Variants in ERBB4 observed in about 807,000 individuals in gnomAD.
ERBB4 encodes receptor tyrosine-protein kinase erbB-4.
A neutral mutation model predicts 158.0 loss-of-function variants in ERBB4; 42 were observed. That is an observed-to-expected ratio of 0.27 (90% CI 0.21 to 0.34). ERBB4 has a LOEUF of 0.34. Ranked by LOEUF, ERBB4 falls within the 10% of genes least tolerant of loss-of-function variation. ERBB4 has a pLI of 1.00. For missense variants in ERBB4, 1,333 were observed against 1,624.1 expected (o/e 0.82, Z 3.08); for synonymous variants, 583 against 558.7 (o/e 1.04, Z -0.61).
chr2:211,685,711 A>G (rs926175365), intron 12 of ERBB4, among the ~76,000 whole-genome samples: 2 of 152,170 alleles, frequency 1.3e-5, no homozygotes, highest in Non-Finnish European at 2.9e-5. Context: ...CAGTTTAGGG[A>G]GAATTGACAT....
At chr2:211,828,227 T>C (rs1460794232) in intron 3 of ERBB4, among the ~76,000 whole-genome samples, 1 of 152,194 alleles carries the variant, frequency 6.6e-6, no homozygotes, top group Non-Finnish European at 1.5e-5. Flanking sequence ...CTCAATATCA[T>C]ATTCATGGCA....
chr2:211,901,020 G>C (rs2079220455), intron 3 of ERBB4, among the ~76,000 whole-genome samples: 1 of 152,098 alleles, frequency 6.6e-6, no homozygotes, highest in African/African-American at 2.4e-5. Context: ...AGCTCAGCTT[G>C]ATTTTACAAA....
At chr2:211,433,755 A>G (rs1372000847) in intron 20 of ERBB4, among the ~76,000 whole-genome samples, 2 of 152,184 alleles carry the variant, frequency 1.3e-5, no homozygotes, top group Admixed American at 6.5e-5. Context: ...TTGGCAGTCC[A>G]TGGACTACAT....
intron 2 of ERBB4, among the ~76,000 whole-genome samples, chr2:211,965,683 T>C (rs1011959157): frequency 1.3e-5 from 2 of 152,102 alleles, no homozygotes; most frequent in African/African-American, 4.8e-5. Flanking sequence ...TAAAACAGAA[T>C]TTGAGATTCT....
In ERBB4 at chr2:211,424,135, A is replaced by C. The variant is rs754387903; in HGVS notation, c.2866+20T>G. ...TTTACTAAGAATGATGATGGTGATA[A>C]CATTATTTTGCAGTCTTACATTTGA... On this transcript the variant is annotated intron_variant, in intron 23 of 27. Transcript: ENST00000342788. The C allele has an allele frequency of 1.2e-6, 2 of 1,607,736 alleles. No homozygotes were observed. Among genetic ancestry groups the C allele is most frequent in the Non-Finnish European group, 1.7e-6 (2 of 1,174,362 alleles).
At chr2:212,005,115 C>T (rs142951996) in intron 2 of ERBB4, among the ~76,000 whole-genome samples, 6 of 152,192 alleles carry the variant, frequency 3.9e-5, no homozygotes, top group Non-Finnish European at 7.4e-5. Context: ...TAAACATACA[C>T]AATATACATC....
chr2:211,775,949 G>C (rs1198790198), intron 4 of ERBB4, among the ~76,000 whole-genome samples: 3 of 152,170 alleles, frequency 2.0e-5, no homozygotes, highest in Admixed American at 1.3e-4. Flanking sequence ...ACAGACCGGG[G>C]GCAAGAGATG....
chr2:211,529,627 C>T (rs965974205), intron 20 of ERBB4, among the ~76,000 whole-genome samples: 1 of 152,036 alleles, frequency 6.6e-6, no homozygotes, highest in Non-Finnish European at 1.5e-5. Context: ...AATTCAACAA[C>T]ATATTGGAAA....
intron 12 of ERBB4, among the ~76,000 whole-genome samples, chr2:211,679,595 A>C (rs1034602602): frequency 6.6e-6 from 1 of 152,326 alleles, no homozygotes; most frequent in African/African-American, 2.4e-5. Context: ...TCCTGAAACA[A>C]AAAAAGTATT....
chr2:211,411,980 T>C (rs1414061240), intron 25 of ERBB4, among the ~76,000 whole-genome samples: 1 of 152,022 alleles, frequency 6.6e-6, no homozygotes, highest in Non-Finnish European at 1.5e-5. Context: ...TAAAACTAAT[T>C]GGATCTCGAT....
intron 1 of ERBB4, among the ~76,000 whole-genome samples, chr2:212,390,467 A>G (rs2106435645): frequency 6.6e-6 from 1 of 151,932 alleles, no homozygotes; most frequent in African/African-American, 2.4e-5. Context: ...AGTCTTTCTC[A>G]GCTAACAATT....
Position 211,695,933 on chromosome 2 carries a change from T to C in ERBB4, c.1489+6034A>G, listed in dbSNP as rs2073002842. Among the ~76,000 whole-genome samples the C allele has an allele frequency of 2.6e-5, 4 of 151,616 alleles. No homozygotes were observed. The South Asian group carries it at 8.3e-4, about 31-fold the overall frequency. ...TAATACATGTATAGCTCGCTCTTGC[T>C]CTTTCTTTTCTTTCTTTTTATTTCT... On this transcript the variant is annotated intron_variant, in intron 12 of 27. Transcript: ENST00000342788.
chr2:211,963,214 G>A (rs1172914416), intron 2 of ERBB4, among the ~76,000 whole-genome samples: 1 of 152,016 alleles, frequency 6.6e-6, no homozygotes, highest in Non-Finnish European at 1.5e-5. Context: ...GAGGGGTGGA[G>A]GGTGATACTG....
intron 20 of ERBB4, among the ~76,000 whole-genome samples, chr2:211,512,666 A>T (rs1184117442): frequency 6.6e-6 from 1 of 152,102 alleles, no homozygotes; most frequent in Non-Finnish European, 1.5e-5. Flanking sequence ...TTTCATTTTC[A>T]TTTCTATGTC....
At chr2:211,836,555 T>C (rs908559631) in intron 3 of ERBB4, among the ~76,000 whole-genome samples, 1 of 152,006 alleles carries the variant, frequency 6.6e-6, no homozygotes, top group African/African-American at 2.4e-5. Flanking sequence ...TCCAGAGTCA[T>C]AGAAGGAAAG....
intron 1 of ERBB4, among the ~76,000 whole-genome samples, chr2:212,198,976 T>A (rs1393099425): frequency 1.3e-5 from 2 of 152,096 alleles, no homozygotes; most frequent in Non-Finnish European, 2.9e-5. Flanking sequence ...GAACATTAAT[T>A]CACAAATATC....
intron 1 of ERBB4, among the ~76,000 whole-genome samples, chr2:212,497,190 A>C (rs1189767730): frequency 6.8e-5 from 9 of 132,186 alleles, no homozygotes; most frequent in African/African-American, 2.3e-4. Flanking sequence ...AAAAAAAAAA[A>C]AAAAAAACCC....
rs10190554 is a variant in ERBB4 at position 211,678,847 on chromosome 2, A to G, written c.1622+205T>C. 0.59 allele frequency among the ~76,000 whole-genome samples: 88,462 copies of G among 150,918 alleles called. 27,156 individuals are homozygous for G. Among genetic ancestry groups the G allele is most frequent in the African/African-American group, 0.75 (30,928 of 41,140 alleles). On this transcript the variant is annotated intron_variant, in intron 13 of 27. Transcript: ENST00000342788. ...CCGGGCATGGTGGCGGGCGCCTGTA[A>G]TCCCAGCTACTTGGGAGGCCAAGGC...
rs2065721427 is a variant in ERBB4, at chr2:211,505,480, AATGAT to A, written c.2487+56418_2487+56422del. 2.3e-4 allele frequency among the ~76,000 whole-genome samples: 34 copies of A among 146,736 alleles called. No homozygotes were observed. In the South Asian group the frequency reaches 7.1e-3, roughly 31 times the overall value. On this transcript the variant is annotated intron_variant, in intron 20 of 27. Coordinates refer to ENST00000342788, the MANE Select transcript of ERBB4 (RefSeq NM_005235.3). ...GGAATTCTAAACACGAAAATGAAAG[AATGAT>A]ACTCACCATCATAAAAAAAAAACAT...
Sources: allele counts gnomAD v4.1 joint callset (sites outside exome capture counted in the v4.1 genomes callset), GRCh38; gene constraint gnomAD v4.1.1; transcripts MANE v1.5; gene names NCBI Gene and HGNC (gene_info 2026-07-23, HGNC 2026-07-21).